ERVK3-1: variants seen among roughly 807,000 people sequenced by gnomAD.
The protein encoded by ERVK3-1 is HERV-K(HML6-1).
Position 58,313,826 on chromosome 19 carries a change from C to A in ERVK3-1, c.295-922C>A, listed in dbSNP as rs1398748295. 6.6e-6 allele frequency among the ~76,000 whole-genome samples: 1 copy of A among 152,142 alleles called. No homozygotes were observed. The highest frequency in any genetic ancestry group is 2.4e-5 in the African/African-American group (1 of 41,440). ...CCCTGCTTTACATTTTGTAAAACTC[C>A]TTCTTACCCAGCTCACTCATCGTGC... On this transcript the variant is annotated intron_variant, in intron 3 of 3. Coordinates refer to ENST00000413518, the Ensembl canonical transcript of ERVK3-1. The surrounding 1 kb of genome is among the most constrained non-coding windows in gnomAD (Gnocchi z 4.5).
At chr19:58,305,678 G>A (rs1487347486) in intron 1 of ERVK3-1, among the ~76,000 whole-genome samples, 2 of 152,188 alleles carry the variant, frequency 1.3e-5, no homozygotes, top group East Asian at 3.9e-4. Context: ...CTGTGTTGGA[G>A]GCAGAAGGAA....
At chr19:58,308,472 C>T (rs999786014) in intron 2 of ERVK3-1, among the ~76,000 whole-genome samples, 5 of 152,198 alleles carry the variant, frequency 3.3e-5, no homozygotes, top group Non-Finnish European at 7.3e-5. Context: ...TGCAAATATA[C>T]GTGTTAATCT....
intron 2 of ERVK3-1, among the ~76,000 whole-genome samples, chr19:58,308,839 C>G: frequency 6.6e-6 from 1 of 152,140 alleles, no homozygotes; most frequent in East Asian, 1.9e-4. Context: ...ATAAAAGTAT[C>G]AGTTAGTGCT....
chr19:58,308,873 C>T (rs1451432273), intron 2 of ERVK3-1, among the ~76,000 whole-genome samples: 1 of 152,110 alleles, frequency 6.6e-6, no homozygotes, highest in Non-Finnish European at 1.5e-5. Flanking sequence ...TATTTGTGAC[C>T]CCCAAAACGT....
rs1057137003 is a variant in ERVK3-1 at position 58,313,060 on chromosome 19, C to T, written c.294+598C>T. 3.9e-5 allele frequency: 6 copies of T among 152,240 alleles called. No individual in the cohort carries two copies. The highest frequency in any genetic ancestry group is 9.6e-5 in the African/African-American group (4 of 41,452). 9.4% of individuals were successfully genotyped at this position (152,240 alleles called of 1,614,324 possible). A position where few individuals can be genotyped will look rare whatever the true frequency, so the allele number is the denominator to read the frequency against. The stretch of plus-strand genomic sequence containing the variant: ...GGATTCAGTCCCCCAGTTGGCTGCA[C>T]AACTTGCTTGGTATAGGACAGGCTT... On this transcript the variant is annotated intron_variant, in intron 3 of 3. Coordinates refer to ENST00000413518, the Ensembl canonical transcript of ERVK3-1. This position sits in a 1 kb window ranked among gnomAD's most constrained non-coding sequence, Gnocchi z 4.5.
At chr19:58,305,930 C>T (rs989158019) in intron 1 of ERVK3-1, among the ~76,000 whole-genome samples, 158 bp from the exon 2 acceptor site, 17 of 152,304 alleles carry the variant, frequency 1.1e-4, no homozygotes, top group Admixed American at 2.6e-4. Context: ...CCGTCAGTTA[C>T]CCTTTCCTCC....
downstream of ERVK3-1, among the ~76,000 whole-genome samples, chr19:58,316,246 G>A (rs562365488): frequency 3.5e-4 from 53 of 152,180 alleles, no homozygotes; most frequent in Middle Eastern, 3.4e-3. Context: ...CCTGCCTCCC[G>A]TTGCCCCCTT....
chr19:58,314,626 C>CAAAAAAAAAAAAAAAA (rs58275693), intron 3 of ERVK3-1, 122 bp from the exon 4 acceptor site: 1 of 57,454 alleles, frequency 1.7e-5, no homozygotes, highest in Non-Finnish European at 3.8e-5. Flanking sequence ...GACTCCATCT[C>CAAAAAAAAAAAAAAAA]AAAAAAAAAA....
chr19:58,311,564 A>G (rs2051556819), intron 2 of ERVK3-1: 1 of 152,220 alleles, frequency 6.6e-6, no homozygotes, highest in South Asian at 2.1e-4. Flanking sequence ...CTGTGGAAGG[A>G]TGCAACCCAC....
downstream of ERVK3-1, among the ~76,000 whole-genome samples, chr19:58,315,911 G>C (rs1370463518): frequency 6.6e-6 from 1 of 152,196 alleles, no homozygotes; most frequent in Admixed American, 6.5e-5. Context: ...AGAGAAGGCG[G>C]CAGTGGCCCT....
chr19:58,315,422 A>G (rs1410397588), exon 4 of ERVK3-1: 1 of 152,202 alleles, frequency 6.6e-6, no homozygotes, highest in African/African-American at 2.4e-5. Context: ...TCTTCTGGAC[A>G]CTTCATATAA....
rs1219114134 is a variant in ERVK3-1, at chr19:58,305,463, G to A, written c.-133+18G>A. On this transcript the variant is annotated intron_variant, in intron 1 of 3. Transcript: ENST00000413518. ...CCACAGTGGTGAGTGGTGTGTGGAG[G>A]AGAGGCGAGGGTGATTGTGAGGGAT... The A allele has an allele frequency of 6.5e-6, 1 of 152,864 alleles. No homozygotes were observed. Among genetic ancestry groups the A allele is most frequent in the Non-Finnish European group, 1.5e-5 (1 of 68,378 alleles). The allele number at this position is 152,864 out of a possible 1,614,324, so 9.5% of individuals were successfully genotyped here.
chr19:58,308,761 G>T (rs2051539604), intron 2 of ERVK3-1, among the ~76,000 whole-genome samples: 1 of 152,142 alleles, frequency 6.6e-6, no homozygotes, highest in Admixed American at 6.5e-5. Flanking sequence ...TGGATCAATG[G>T]CCCCTATCAC....
chr19:58,316,664 T>A (rs536081497), downstream of ERVK3-1, among the ~76,000 whole-genome samples: 16 of 152,298 alleles, frequency 1.1e-4, no homozygotes, highest in African/African-American at 2.9e-4. Flanking sequence ...AGCGAAACTC[T>A]GTCTCAAAAA....
At chr19:58,308,553 A>G (rs2051538514) in intron 2 of ERVK3-1, among the ~76,000 whole-genome samples, 1 of 152,246 alleles carries the variant, frequency 6.6e-6, no homozygotes, top group Admixed American at 6.5e-5. Flanking sequence ...TCCAGGATTT[A>G]AAATATTGAA....
intron 3 of ERVK3-1, among the ~76,000 whole-genome samples, chr19:58,314,496 G>A (rs1052195368): frequency 6.6e-6 from 1 of 151,802 alleles, no homozygotes; most frequent in African/African-American, 2.4e-5. Flanking sequence ...GTGTGGTGGC[G>A]GGCACCTGTA....
At position 58,312,750 on chromosome 19, in the gene ERVK3-1, T is replaced by C. The variant is rs139403979; in HGVS notation, c.294+288T>C. ...CACCATGGAAAAATTATGTATTTAT[T>C]AGGCCTCAGCTTTATTAATGTTACT... is the stretch of plus-strand genomic sequence containing the variant. On this transcript the variant is annotated intron_variant, in intron 3 of 3. Coordinates refer to ENST00000413518, the Ensembl canonical transcript of ERVK3-1. The surrounding 1 kb of genome is among the most constrained non-coding windows in gnomAD (Gnocchi z 4.7). Among the ~76,000 whole-genome samples the C allele has an allele frequency of 5.6e-3, 853 of 152,332 alleles. 6 individuals carry two copies. The highest frequency in any genetic ancestry group is 0.01 in the Middle Eastern group (3 of 294).
At chr19:58,311,663 A>C (rs890259168) in intron 2 of ERVK3-1, 2 of 152,252 alleles carry the variant, frequency 1.3e-5, no homozygotes, top group East Asian at 3.8e-4. Context: ...TGTAATATAG[A>C]CACTTACTCC....
chr19:58,307,600 C>T (rs1323644914), intron 2 of ERVK3-1, among the ~76,000 whole-genome samples: 6 of 148,770 alleles, frequency 4.0e-5, no homozygotes, highest in Admixed American at 2.0e-4. Context: ...TCTTACAATG[C>T]AATACCGCCC....
Sources: allele counts gnomAD v4.1 joint callset (sites outside exome capture counted in the v4.1 genomes callset), GRCh38; gene constraint gnomAD v4.1.1; non-coding constraint Gnocchi (gnomAD v3.1); transcripts MANE v1.5; gene names NCBI Gene and HGNC (gene_info 2026-07-23, HGNC 2026-07-21).